Variants in NLGN1 observed in about 807,000 individuals in gnomAD.
NLGN1 encodes the protein neuroligin 1.
NLGN1 carries 12 observed loss-of-function variants against 65.5 expected under a neutral mutation model. The observed-to-expected ratio is 0.18, with a 90% CI of 0.12 to 0.30. NLGN1 has a LOEUF of 0.30. Ranked by LOEUF, NLGN1 falls within the 10% of genes least tolerant of loss-of-function variation. The probability of loss-of-function intolerance (pLI) is 1.00; values close to 1 mark genes in which losing one functional copy is unlikely to be tolerated. For synonymous variants in NLGN1, 350 were observed against 359.5 expected, an observed-to-expected ratio of 0.97 and a Z score of 0.30; for missense variants, 750 against 1,007.1, an observed-to-expected ratio of 0.74 and a Z score of 3.46.
intron 2 of NLGN1, among the ~76,000 whole-genome samples, chr3:173,468,783 A>G (rs1724813338): frequency 6.6e-6 from 1 of 152,098 alleles, no homozygotes; most frequent in Non-Finnish European, 1.5e-5. Context: ...CATCTATAGT[A>G]AGTGAGTTGA....
chr3:173,590,732 A>T (rs1324570424), intron 2 of NLGN1, among the ~76,000 whole-genome samples: 3 of 152,190 alleles, frequency 2.0e-5, no homozygotes, highest in African/African-American at 4.8e-5. Context: ...AGTTATTTGA[A>T]TTGACAAATA....
chr3:173,797,697 AAC>A (rs1186196564), intron 3 of NLGN1, among the ~76,000 whole-genome samples: 10 of 19,030 alleles, frequency 5.3e-4, no homozygotes, highest in South Asian at 4.7e-3. Flanking sequence ...CAACAACAAC[AAC>A]AAAAAAAAAC....
intron 2 of NLGN1, among the ~76,000 whole-genome samples, chr3:173,585,922 T>A (rs1392465545): frequency 1.3e-5 from 2 of 152,212 alleles, no homozygotes; most frequent in African/African-American, 4.8e-5. Context: ...TCAGCAGCTA[T>A]AATTAATCAC....
intron 4 of NLGN1, among the ~76,000 whole-genome samples, chr3:174,193,028 A>T (rs1469080852): frequency 1.3e-5 from 2 of 152,104 alleles, no homozygotes; most frequent in African/African-American, 4.8e-5. Context: ...CACTTATTAC[A>T]TTGGTATATA....
chr3:174,280,988 C>T lies in NLGN1; in HGVS notation c.2157C>T (p.Thr719=). The T allele has an allele frequency of 6.2e-7, 1 of 1,613,332 alleles. No individual in the cohort carries two copies. The highest frequency in any genetic ancestry group is 8.5e-7 in the Non-Finnish European group (1 of 1,179,578). Residue 719 remains threonine, a synonymous_variant, in exon 7 of 7, where the codon ACC becomes ACT. Coordinates refer to ENST00000457714, the Ensembl canonical transcript of NLGN1. This position sits in a 1 kb window ranked among gnomAD's most constrained non-coding sequence, Gnocchi z 4.9. ...GATGCAGCCCTCAGCGCACTACTAC[C>T]AATGATCTAACCCATGCACAAGAAG...
chr3:173,532,869 A>G (rs1262987921), intron 2 of NLGN1, among the ~76,000 whole-genome samples: 1 of 152,198 alleles, frequency 6.6e-6, no homozygotes, highest in South Asian at 2.1e-4. Context: ...GTTCTGCTCG[A>G]TATCTCCTTA....
At position 173,429,693 on chromosome 3, in the gene NLGN1, A is replaced by G. The variant is rs368408079; in HGVS notation, c.-389-5317A>G. 7.2e-5 allele frequency among the ~76,000 whole-genome samples: 11 copies of G among 152,288 alleles called. 1 individual carries two copies. Among genetic ancestry groups the G allele is most frequent in the South Asian group, 4.1e-4 (2 of 4,824 alleles). ...TTTTGAGTACCCTCAGCCCAAGAAC[A>G]CTGCCTCCTTTTCTGCACTAGATGA... On this transcript the variant is annotated intron_variant, in intron 1 of 6. Transcript: ENST00000457714.
chr3:173,738,910 TA>T (rs1191768717), intron 3 of NLGN1, among the ~76,000 whole-genome samples: 4 of 152,038 alleles, frequency 2.6e-5, no homozygotes, highest in Admixed American at 2.6e-4. Context: ...TGAGGTAGCT[TA>T]AGATAAGTGA....
rs573295707 is a variant in NLGN1, at chr3:173,740,105, T to C, written c.494-67575T>C. 9.9e-5 allele frequency among the ~76,000 whole-genome samples: 15 copies of C among 152,216 alleles called. No homozygotes were observed. The East Asian group carries it at 2.3e-3, about 24-fold the overall frequency. On this transcript the variant is annotated intron_variant, in intron 3 of 6. Transcript: ENST00000457714. ...GTTGTGTAGCCTCAGAAGAGACTAT[T>C]AAGATTCAAAAATAGATAATCCTTC...
rs139643842 is a variant in NLGN1 at position 173,562,337 on chromosome 3, G to C, written c.-320-41942G>C. Among the ~76,000 whole-genome samples the C allele has an allele frequency of 5.5e-3, 835 of 152,308 alleles. 11 individuals are homozygous for C. The highest frequency in any genetic ancestry group is 0.019 in the African/African-American group (797 of 41,568). On this transcript the variant is annotated intron_variant, in intron 2 of 6. Coordinates refer to ENST00000457714, the Ensembl canonical transcript of NLGN1. ...TAATCCTAGCACTTTGGGAGGCCAA[G>C]GTGAGCGGATCATGAGATCAGGAGA... is the stretch of plus-strand genomic sequence containing the variant.
At chr3:173,436,190 A>G (rs917979408) in intron 2 of NLGN1, among the ~76,000 whole-genome samples, 3 of 152,264 alleles carry the variant, frequency 2.0e-5, no homozygotes, top group Non-Finnish European at 4.4e-5. Flanking sequence ...AAATTAAGAA[A>G]TCAGTTTTAA....
rs538443224 is a variant in NLGN1, at chr3:173,592,008, G to C, written c.-320-12271G>C. On this transcript the variant is annotated intron_variant, in intron 2 of 6. Coordinates refer to ENST00000457714, the Ensembl canonical transcript of NLGN1. The stretch of plus-strand genomic sequence containing the variant: ...TCATTTTCTTCTGTGGGATCACAGG[G>C]TCATCAATTGGTTTTAAAAATGTAT... Among the ~76,000 whole-genome samples the C allele has an allele frequency of 5.9e-5, 9 of 152,220 alleles. 1 individual carries two copies. In the South Asian group the frequency reaches 1.7e-3, roughly 28 times the overall value.
chr3:174,191,751 G>C (rs1028502771), intron 4 of NLGN1, among the ~76,000 whole-genome samples: 1 of 151,996 alleles, frequency 6.6e-6, no homozygotes, highest in Non-Finnish European at 1.5e-5. Flanking sequence ...CAGGCTTCAG[G>C]GCTTAAACAT....
chr3:173,612,763 A>G (rs938387652), intron 3 of NLGN1, among the ~76,000 whole-genome samples: 3 of 152,150 alleles, frequency 2.0e-5, no homozygotes, highest in African/African-American at 2.4e-5. Flanking sequence ...CGTAAACAGC[A>G]GAATTGTTGT....
intron 3 of NLGN1, among the ~76,000 whole-genome samples, chr3:173,748,015 G>C (rs923430156): frequency 1.3e-5 from 2 of 151,348 alleles, no homozygotes; most frequent in African/African-American, 2.4e-5. Flanking sequence ...GACCAGGCTG[G>C]TCTCAAATTC....
intron 4 of NLGN1, among the ~76,000 whole-genome samples, chr3:174,157,797 G>T: frequency 6.6e-6 from 1 of 151,764 alleles, no homozygotes; most frequent in East Asian, 1.9e-4. Context: ...ATTGAAAACA[G>T]ATTGGGGCAG....
chr3:173,709,294 A>C (rs578031403), intron 3 of NLGN1, among the ~76,000 whole-genome samples: 2 of 152,308 alleles, frequency 1.3e-5, no homozygotes, highest in South Asian at 4.1e-4. Context: ...AAGTTGTAGT[A>C]AAGAGGGAAA....
At chr3:174,227,440 G>A (rs1477239063) in intron 4 of NLGN1, among the ~76,000 whole-genome samples, 1 of 151,922 alleles carries the variant, frequency 6.6e-6, no homozygotes, top group East Asian at 1.9e-4. Context: ...GTTACAGCAG[G>A]ATTCAAACAC....
At position 173,747,059 on chromosome 3, in the gene NLGN1, TACACACACACACACAC is replaced by T. The variant is rs3033827; in HGVS notation, c.494-60603_494-60588del. 1.7e-4 allele frequency among the ~76,000 whole-genome samples: 22 copies of T among 130,404 alleles called. No homozygotes were observed. The East Asian group carries it at 3.6e-3, about 21-fold the overall frequency. 85.6% of individuals were successfully genotyped at this position (130,404 alleles called of 152,430 possible). A position where few individuals can be genotyped will look rare whatever the true frequency, so the allele number is the denominator to read the frequency against. ...TGCCTCAAAAAGAAAAAATTATATA[TACACACACACACACAC>T]ACACACACACACACACAAACACACA... is the stretch of plus-strand genomic sequence containing the variant. On this transcript the variant is annotated intron_variant, in intron 3 of 6. Coordinates refer to ENST00000457714, the Ensembl canonical transcript of NLGN1.
Sources: gnomAD v4.1 joint callset for allele counts (sites outside exome capture counted in the v4.1 genomes callset) on GRCh38, gnomAD v4.1.1 for gene constraint, Gnocchi (gnomAD v3.1) non-coding constraint, MANE v1.5 for transcripts, NCBI Gene and HGNC (gene_info 2026-07-23, HGNC 2026-07-21) for gene names.